KDM8: variants seen among roughly 807,000 people sequenced by gnomAD.
KDM8 encodes bifunctional peptidase and arginyl-hydroxylase JMJD5.
KDM8 carries 35 observed loss-of-function variants against 46.9 expected under a neutral mutation model. The ratio of observed to expected loss-of-function variants is 0.75; its 90% CI spans 0.57 to 0.99. KDM8 has a LOEUF of 0.99. Ranked by LOEUF, KDM8 falls within the 50% of genes least tolerant of loss-of-function variation. KDM8 has a pLI of 0.00. For synonymous variants in KDM8, 232 were observed against 227.7 expected, an observed-to-expected ratio of 1.02 and a Z score of -0.17; for missense variants, 475 against 537.0, an observed-to-expected ratio of 0.88 and a Z score of 1.14.
chr16:27,220,333 T>C, intron 6 of KDM8, 60 bp from the exon 7 acceptor site: 3 of 1,446,842 alleles, frequency 2.1e-6, no homozygotes, highest in East Asian at 2.3e-5. Flanking sequence ...GAGGCCAGAG[T>C]GGGCTTGGGG....
intron 5 of KDM8, among the ~76,000 whole-genome samples, chr16:27,216,774 T>C (rs1168357184): frequency 2.0e-5 from 3 of 152,284 alleles, no homozygotes; most frequent in South Asian, 4.1e-4. Flanking sequence ...CTGCGTCCTG[T>C]CCATGTCACT....
intron 2 of KDM8, among the ~76,000 whole-genome samples, chr16:27,212,568 T>C (rs1375941549): frequency 2.0e-5 from 3 of 152,162 alleles, no homozygotes; most frequent in Admixed American, 2.0e-4. Context: ...ACCTCATATC[T>C]ACTAAAAATA....
chr16:27,220,680 T>TA lies in KDM8; in HGVS notation c.1202dup (p.Tyr401Ter). The TA allele has an allele frequency of 6.2e-7, 1 of 1,614,072 alleles. No homozygotes were observed. The highest frequency in any genetic ancestry group is 8.5e-7 in the Non-Finnish European group (1 of 1,179,998). The change falls in exon 8 of 8, where the codon TAC becomes TAAC. Residue 401 changes from tyrosine (Y) to a stop codon, truncating the protein, a stop_gained and frameshift_variant. Transcript: ENST00000286096. LOFTEE classifies it high-confidence loss of function. ...GTTCATCCCGGTGAAATACTGGCAT[T>TA]ACGTGCGGGCTCTGGATTTGAGCTT... ...ILFIPVKYWH[Y>*]VRALDLSFSV...
At chr16:27,218,939 A>AC (rs2083585381) in intron 5 of KDM8, 22 bp from the exon 6 acceptor site, 13 of 1,613,670 alleles carry the variant, frequency 8.1e-6, no homozygotes, top group Non-Finnish European at 1.1e-5. Context: ...CCCACATCTC[A>AC]TGTCTGCTCT....
At chr16:27,205,341 G>C (rs1389866024) in intron 1 of KDM8, among the ~76,000 whole-genome samples, 2 of 152,280 alleles carry the variant, frequency 1.3e-5, no homozygotes, top group African/African-American at 4.8e-5. Context: ...TTCTTTGCAA[G>C]ATCATTTCAT....
Position 27,220,489 on chromosome 16 carries a change from G to C in KDM8, c.1086+4G>C. The C allele has an allele frequency of 6.2e-7, 1 of 1,614,072 alleles. No individual in the cohort carries two copies. The highest frequency in any genetic ancestry group is 8.5e-7 in the Non-Finnish European group (1 of 1,179,958). On this transcript the variant is annotated splice_donor_region_variant and intron_variant, in intron 7 of 7. Transcript: ENST00000286096. The stretch of plus-strand genomic sequence containing the variant: ...CCTTCTCCATAACACGAGCCAGGTG[G>C]GCACTGGGGGTCTGGGGTGACGTTG...
chr16:27,210,301 A>T lies in KDM8; in HGVS notation c.178A>T (p.Arg60Trp), dbSNP rs199578568. The change falls in exon 2 of 8, where the codon AGG becomes TGG. Residue 60 changes from arginine to tryptophan, a missense_variant. Coordinates refer to ENST00000286096, the MANE Select transcript of KDM8 (RefSeq NM_024773.3). Reference sequence around the variant, plus strand: ...AGCCACTGAGCTCTTCTACGAGGGCAGGAGGGACGAGTGTCTGCAGAGCAG... The same window carrying T: ...AGCCACTGAGCTCTTCTACGAGGGCTGGAGGGACGAGTGTCTGCAGAGCAG... The part of the protein sequence containing the change: ...QRATELFYEG[R>W]RDECLQSSEV... 9.9e-6 allele frequency: 16 copies of T among 1,613,320 alleles called. No homozygotes were observed. Among genetic ancestry groups the T allele is most frequent in the Non-Finnish European group, 8.5e-7 (1 of 1,180,042 alleles).
intron 4 of KDM8, 112 bp downstream of exon 4, chr16:27,215,120 T>A: frequency 7.8e-7 from 1 of 1,281,670 alleles, no homozygotes; most frequent in Non-Finnish European, 1.1e-6. Flanking sequence ...AGCCAGGCTG[T>A]AAGTCTGTGG....
Position 27,220,495 on chromosome 16 carries a change from G to A in KDM8, c.1086+10G>A, listed in dbSNP as rs923693638. The A allele has an allele frequency of 6.2e-7, 1 of 1,614,010 alleles. No individual in the cohort carries two copies. The highest frequency in any genetic ancestry group is 1.7e-5 in the Admixed American group (1 of 60,026). ...CCATAACACGAGCCAGGTGGGCACTGGGGGTCTGGGGTGACGTTGCAGGTT... is the reference window on the plus strand; with the variant it reads ...CCATAACACGAGCCAGGTGGGCACTAGGGGTCTGGGGTGACGTTGCAGGTT... On this transcript the variant is annotated intron_variant, in intron 7 of 7. Coordinates refer to ENST00000286096, the MANE Select transcript of KDM8 (RefSeq NM_024773.3).
intron 4 of KDM8, 73 bp downstream of exon 4, chr16:27,215,081 C>T (rs753387594): frequency 2.6e-6 from 4 of 1,556,030 alleles, no homozygotes; most frequent in Non-Finnish European, 3.5e-6. Context: ...AAATAACCCC[C>T]CATGTGTTGT....
At chr16:27,214,190 G>A (rs2083520151) in intron 3 of KDM8, 1 of 157,460 alleles carries the variant, frequency 6.4e-6, no homozygotes, top group Admixed American at 6.2e-5. Context: ...CAGGCAGCTG[G>A]AGCGTGGCTG....
intron 1 of KDM8, among the ~76,000 whole-genome samples, chr16:27,206,470 C>T (rs2083429261): frequency 6.6e-6 from 1 of 152,174 alleles, no homozygotes; most frequent in Non-Finnish European, 1.5e-5. Context: ...TGGGTTTTCA[C>T]CATGTTGGCC....
At chr16:27,220,333 TG>T in intron 6 of KDM8, 59 bp from the exon 7 acceptor site, 1 of 1,446,840 alleles carries the variant, frequency 6.9e-7, no homozygotes, top group Non-Finnish European at 9.7e-7. Context: ...GAGGCCAGAG[TG>T]GGCTTGGGGC....
chr16:27,205,945 C>G (rs1325646924), intron 1 of KDM8, among the ~76,000 whole-genome samples: 1 of 152,248 alleles, frequency 6.6e-6, no homozygotes, highest in East Asian at 1.9e-4. Context: ...CGAGGCCACT[C>G]AGGCTTTTTG....
At chr16:27,211,052 T>C in intron 2 of KDM8, 1 of 435,576 alleles carries the variant, frequency 2.3e-6, no homozygotes, top group Non-Finnish European at 4.6e-6. Flanking sequence ...GCACTGAGAT[T>C]ACAGGTGTGA....
chr16:27,207,886 T>C (rs1230022398), intron 1 of KDM8, among the ~76,000 whole-genome samples: 1 of 152,160 alleles, frequency 6.6e-6, no homozygotes, highest in East Asian at 1.9e-4. Context: ...GGATAGTGTA[T>C]AATAATCTTG....
intron 1 of KDM8, among the ~76,000 whole-genome samples, chr16:27,209,307 A>G (rs1258203894): frequency 6.6e-6 from 1 of 152,158 alleles, no homozygotes; most frequent in East Asian, 1.9e-4. Flanking sequence ...GCTTACTGCA[A>G]CCTTTGCCCC....
chr16:27,211,373 GGTCAA>G (rs2083483534), intron 2 of KDM8: 1 of 357,814 alleles, frequency 2.8e-6, no homozygotes, highest in Non-Finnish European at 5.5e-6. Context: ...TCTGTTTTGG[GGTCAA>G]TCTCTCCCAC....
chr16:27,213,564 T>C (rs759321682), intron 2 of KDM8, 21 bp from the exon 3 acceptor site: 2 of 1,612,064 alleles, frequency 1.2e-6, no homozygotes, highest in South Asian at 1.1e-5. Flanking sequence ...TGCTATTTTG[T>C]TCTGTTTTGA....
Sources: gnomAD v4.1 joint callset for allele counts (sites outside exome capture counted in the v4.1 genomes callset) on GRCh38, gnomAD v4.1.1 for gene constraint, MANE v1.5 for transcripts, NCBI Gene and HGNC (gene_info 2026-07-23, HGNC 2026-07-21) for gene names.